The following RAB8B variants were observed in gnomAD, a reference collection of about 807,000 sequenced individuals.
RAB8B encodes ras-related protein Rab-8B.
A neutral mutation model predicts 32.0 loss-of-function variants in RAB8B; 11 were observed. The ratio of observed to expected loss-of-function variants is 0.34; its 90% CI spans 0.22 to 0.57. The LOEUF (loss-of-function observed/expected upper bound fraction) is 0.57, where lower values mean the gene tolerates loss of function less well. Among genes scored for constraint, RAB8B ranks in the 20% least tolerant of loss-of-function variants. The pLI, the probability that RAB8B is intolerant of heterozygous loss-of-function variation, is 0.86. For synonymous variants in RAB8B, 103 were observed against 89.6 expected (o/e 1.15, Z -0.85); for missense variants, 190 against 258.5 (o/e 0.73, Z 1.82).
intron 1 of RAB8B, among the ~76,000 whole-genome samples, chr15:63,203,395 A>AATCTT (rs1312568694): frequency 3.9e-5 from 6 of 152,234 alleles, no homozygotes; most frequent in African/African-American, 1.4e-4. Context: ...TTATTATAAG[A>AATCTT]AGGATAGAAA....
At chr15:63,202,081 GTC>G (rs1164426115) in intron 1 of RAB8B, among the ~76,000 whole-genome samples, 2 of 107,220 alleles carry the variant, frequency 1.9e-5, no homozygotes, top group East Asian at 6.6e-4. Flanking sequence ...GTGAAACCCC[GTC>G]TCTACTAAAA....
intron 1 of RAB8B, among the ~76,000 whole-genome samples, chr15:63,221,624 G>T (rs1488490076): frequency 6.6e-6 from 1 of 152,056 alleles, no homozygotes; most frequent in South Asian, 2.1e-4. Context: ...AGACAGTCCT[G>T]GCCAGGGCTC....
chr15:63,233,059 T>C (rs1450946008), intron 1 of RAB8B, among the ~76,000 whole-genome samples: 1 of 149,458 alleles, frequency 6.7e-6, no homozygotes, highest in Non-Finnish European at 1.5e-5. Context: ...AGCATTCTTT[T>C]TTTTTTTCTT....
At chr15:63,207,499 C>T (rs1005406173) in intron 1 of RAB8B, among the ~76,000 whole-genome samples, 6 of 151,964 alleles carry the variant, frequency 3.9e-5, no homozygotes, top group African/African-American at 9.7e-5. Flanking sequence ...TATTTTTTTT[C>T]AGGTATTTAG....
chr15:63,249,687 G>A lies in RAB8B; in HGVS notation c.228G>A (p.Ala76=), dbSNP rs369208515. 3.0e-5 allele frequency: 49 copies of A among 1,613,650 alleles called. No individual in the cohort carries two copies. Among genetic ancestry groups the A allele is most frequent in the South Asian group, 1.2e-4 (11 of 91,012 alleles). Residue 76 remains alanine, a synonymous_variant, in exon 3 of 8, where the codon GCG becomes GCA. Coordinates refer to ENST00000321437, the MANE Select transcript of RAB8B (RefSeq NM_016530.3). ...GQERFRTITT[A]YYRGAMGIML... The stretch of plus-strand genomic sequence containing the variant: ...AAAGATTCCGAACAATCACGACAGC[G>A]TACTACAGAGGAGCCATGGTGAGTG...
At chr15:63,261,076 G>T (rs749619859) in intron 6 of RAB8B, among the ~76,000 whole-genome samples, 2 of 152,030 alleles carry the variant, frequency 1.3e-5, no homozygotes, top group African/African-American at 4.8e-5. Flanking sequence ...AGGATTTCCC[G>T]CCATCAGAAA....
intron 1 of RAB8B, among the ~76,000 whole-genome samples, chr15:63,228,313 G>A (rs1322618587): frequency 1.3e-5 from 2 of 152,180 alleles, no homozygotes; most frequent in African/African-American, 2.4e-5. Flanking sequence ...ACCGAACCCT[G>A]CCCCAGTGAG....
chr15:63,214,315 G>A (rs2037773936), intron 1 of RAB8B, among the ~76,000 whole-genome samples: 1 of 126,342 alleles, frequency 7.9e-6, no homozygotes, highest in South Asian at 2.9e-4. Flanking sequence ...TTTTTGAGAC[G>A]GAGTCTCACT....
At chr15:63,198,900 C>CA (rs1308509682) in intron 1 of RAB8B, among the ~76,000 whole-genome samples, 6 of 151,946 alleles carry the variant, frequency 3.9e-5, no homozygotes, top group Non-Finnish European at 5.9e-5. Flanking sequence ...AAATCCATTA[C>CA]AAAAAAAAGA....
In RAB8B at chr15:63,267,177, AT is replaced by A. The variant is rs1271917093; in HGVS notation, c.*3559del. 3.3e-5 allele frequency: 5 copies of A among 152,574 alleles called. No individual in the cohort carries two copies. The highest frequency in any genetic ancestry group is 7.3e-5 in the Non-Finnish European group (5 of 68,028). The allele number at this position is 152,574 out of a possible 1,614,324, so 9.5% of individuals were successfully genotyped here. On this transcript the variant is annotated 3_prime_UTR_variant, in exon 8 of 8. Transcript: ENST00000321437. ...AATTCTAGCACAATTTTAGAGTAGAATAAGTCATTTTTTTAGACTAATAAAA... is the reference window on the plus strand; with the variant it reads ...AATTCTAGCACAATTTTAGAGTAGAAAAGTCATTTTTTTAGACTAATAAAA...
chr15:63,253,142 A>G (rs539970755), intron 3 of RAB8B, among the ~76,000 whole-genome samples: 8 of 152,218 alleles, frequency 5.3e-5, no homozygotes, highest in Middle Eastern at 3.2e-3. Flanking sequence ...TGAGGCTGGA[A>G]GAAGGGAGGA....
intron 1 of RAB8B, among the ~76,000 whole-genome samples, chr15:63,207,050 C>T (rs1325288529): frequency 6.6e-6 from 1 of 152,222 alleles, no homozygotes; most frequent in African/African-American, 2.4e-5. Context: ...AACCGCTCCT[C>T]CCCTTTCCAT....
intron 3 of RAB8B, among the ~76,000 whole-genome samples, chr15:63,253,943 T>C (rs1216465251): frequency 6.6e-6 from 1 of 152,168 alleles, no homozygotes; most frequent in Non-Finnish European, 1.5e-5. Flanking sequence ...CAAGACAATC[T>C]TGTTTTACTT....
chr15:63,226,691 C>G (rs1462628912), intron 1 of RAB8B, among the ~76,000 whole-genome samples: 2 of 152,120 alleles, frequency 1.3e-5, no homozygotes, highest in Non-Finnish European at 2.9e-5. Context: ...TTCTTAACTT[C>G]TTTGTGTTAC....
intron 5 of RAB8B, among the ~76,000 whole-genome samples, chr15:63,257,393 G>C (rs1358789349): frequency 2.6e-5 from 4 of 151,760 alleles, no homozygotes; most frequent in Non-Finnish European, 4.4e-5. Flanking sequence ...CAAGAAGGTG[G>C]GATTATAGGC....
chr15:63,214,793 A>T (rs1356825723), intron 1 of RAB8B, among the ~76,000 whole-genome samples: 1 of 152,124 alleles, frequency 6.6e-6, no homozygotes, highest in Non-Finnish European at 1.5e-5. Flanking sequence ...CATGTTTCTT[A>T]TCTTTTCCTC....
At chr15:63,197,082 C>T (rs2037606632) in intron 1 of RAB8B, among the ~76,000 whole-genome samples, 1 of 152,050 alleles carries the variant, frequency 6.6e-6, no homozygotes, top group Non-Finnish European at 1.5e-5. Context: ...GCCCAGCACT[C>T]ATTTGAGTGA....
intron 1 of RAB8B, among the ~76,000 whole-genome samples, chr15:63,206,478 C>G (rs1006675783): frequency 6.6e-6 from 1 of 152,122 alleles, no homozygotes; most frequent in African/African-American, 2.4e-5. Context: ...AGCATCCTTT[C>G]TTATCATCTC....
Position 63,203,184 on chromosome 15 carries a change from T to A in RAB8B, c.124+13436T>A, listed in dbSNP as rs183199314. ...TATTTCTTCGTGTATGAAAAGGAAA[T>A]GTTGTCCTAGATACACTGTAAAGTC... On this transcript the variant is annotated intron_variant, in intron 1 of 7. Transcript: ENST00000321437. Among the ~76,000 whole-genome samples, 247 of 152,340 alleles carry A rather than the reference T, an allele frequency of 1.6e-3. 3 individuals carry two copies. Among genetic ancestry groups the A allele is most frequent in the Admixed American group, 7.5e-3 (115 of 15,312 alleles).
Sources: gnomAD v4.1 joint callset for allele counts (sites outside exome capture counted in the v4.1 genomes callset) on GRCh38, gnomAD v4.1.1 for gene constraint, MANE v1.5 for transcripts, NCBI Gene and HGNC (gene_info 2026-07-23, HGNC 2026-07-21) for gene names.